The following APBB2 variants were observed in gnomAD, a reference collection of about 807,000 sequenced individuals.
The protein encoded by APBB2 is amyloid beta precursor protein binding family B member 2.
A neutral mutation model predicts 82.5 loss-of-function variants in APBB2; 38 were observed. That is an observed-to-expected ratio of 0.46 (90% CI 0.36 to 0.60). The LOEUF is 0.60. Among genes scored for constraint, APBB2 ranks in the 20% least tolerant of loss-of-function variants. The probability of loss-of-function intolerance (pLI) is 0.00; values close to 1 mark genes in which losing one functional copy is unlikely to be tolerated. For synonymous variants in APBB2, 341 were observed against 368.2 expected (o/e 0.93, Z 0.85); for missense variants, 772 against 972.3 (o/e 0.79, Z 2.74).
chr4:41,113,417 T>A (rs1749899533), intron 2 of APBB2, among the ~76,000 whole-genome samples: 1 of 152,140 alleles, frequency 6.6e-6, no homozygotes, highest in South Asian at 2.1e-4. Context: ...AATCACGTCA[T>A]CTGCAAACAG....
chr4:41,201,472 T>A (rs1196703440), intron 1 of APBB2, among the ~76,000 whole-genome samples: 1 of 152,254 alleles, frequency 6.6e-6, no homozygotes, highest in Non-Finnish European at 1.5e-5. Context: ...CTAAATATCT[T>A]GATTACTTGC....
At chr4:40,960,985 G>A (rs1175622483) in intron 6 of APBB2, among the ~76,000 whole-genome samples, 1 of 151,832 alleles carries the variant, frequency 6.6e-6, no homozygotes, top group African/African-American at 2.4e-5. Context: ...AAGCAGTCGG[G>A]CATACTTTTT....
Position 40,962,255 on chromosome 4 carries a change from T to C in APBB2, c.836-17182A>G, listed in dbSNP as rs548130289. On this transcript the variant is annotated intron_variant, in intron 6 of 17. Transcript: ENST00000508593. Reference sequence around the variant, plus strand: ...AAACTGCCATTTTTTTTAACGCTTCTCAAAAATAGAATCTAGCATAAGACA... The same window carrying C: ...AAACTGCCATTTTTTTTAACGCTTCCCAAAAATAGAATCTAGCATAAGACA... Among the ~76,000 whole-genome samples, 5 of 152,248 alleles carry C rather than the reference T, an allele frequency of 3.3e-5. No homozygotes were observed. The South Asian group carries it at 1.0e-3, about 32-fold the overall frequency.
chr4:41,096,505 T>C (rs1182910396), intron 3 of APBB2, among the ~76,000 whole-genome samples: 3 of 152,134 alleles, frequency 2.0e-5, no homozygotes, highest in East Asian at 1.9e-4. Flanking sequence ...AGAAAAAAAA[T>C]GATGACACTA....
intron 11 of APBB2, among the ~76,000 whole-genome samples, chr4:40,891,939 C>G (rs551890563): frequency 6.6e-6 from 1 of 150,864 alleles, no homozygotes; most frequent in South Asian, 2.1e-4. Context: ...AAACATAGGC[C>G]TGGGTTTTGT....
intron 6 of APBB2, among the ~76,000 whole-genome samples, chr4:41,013,055 T>C (rs1808841950): frequency 6.6e-6 from 1 of 152,214 alleles, no homozygotes; most frequent in South Asian, 2.1e-4. Flanking sequence ...TACTTAAGGC[T>C]AATAAAACAC....
chr4:40,954,190 T>C (rs564492177), intron 6 of APBB2, among the ~76,000 whole-genome samples: 5 of 152,176 alleles, frequency 3.3e-5, no homozygotes, highest in Non-Finnish European at 5.9e-5. Context: ...ATAGATTTGC[T>C]TCTAGCAGCA....
chr4:40,998,838 C>G (rs543671923), intron 6 of APBB2, among the ~76,000 whole-genome samples: 3 of 152,148 alleles, frequency 2.0e-5, no homozygotes. Flanking sequence ...CAGAGACAGA[C>G]GGCTACTAAG....
At chr4:40,887,544 A>C (rs1770669652) in intron 12 of APBB2, among the ~76,000 whole-genome samples, 1 of 151,904 alleles carries the variant, frequency 6.6e-6, no homozygotes, top group Admixed American at 6.6e-5. Flanking sequence ...ATTGCTGTTA[A>C]GGAAAAAAAA....
intron 6 of APBB2, among the ~76,000 whole-genome samples, chr4:40,964,336 A>G (rs750246440): frequency 1.3e-5 from 2 of 152,164 alleles, no homozygotes; most frequent in Non-Finnish European, 2.9e-5. Context: ...AAAACAGTCC[A>G]TAACTGATTC....
chr4:40,890,469 A>T lies in APBB2; in HGVS notation c.1424T>A (p.Leu475Gln), dbSNP rs1456036963. The change falls in exon 12 of 18, where the codon CTG (leucine) becomes CAG (glutamine). Residue 475 changes from leucine (L) to glutamine (Q), a missense_variant. Transcript: ENST00000508593. The part of the protein sequence containing the change: ...WGEGKDMYLI[L>Q]ENDMLSLVDP... Reference sequence around the variant, plus strand: ...CACCAGGCTGAGCATGTCATTCTCCAGGATCAGGTACATGTCTTTCCCCTG... The same window carrying T: ...CACCAGGCTGAGCATGTCATTCTCCTGGATCAGGTACATGTCTTTCCCCTG... 6.2e-7 allele frequency: 1 copy of T among 1,614,126 alleles called. No homozygotes were observed. The highest frequency in any genetic ancestry group is 1.1e-5 in the South Asian group (1 of 91,080).
intron 3 of APBB2, among the ~76,000 whole-genome samples, chr4:41,088,677 T>C (rs535648064): frequency 6.6e-6 from 1 of 152,360 alleles, no homozygotes; most frequent in East Asian, 1.9e-4. Context: ...TTGGATGGTC[T>C]AAACCAGAGA....
At chr4:40,955,355 G>C (rs1791333110) in intron 6 of APBB2, among the ~76,000 whole-genome samples, 2 of 152,226 alleles carry the variant, frequency 1.3e-5, no homozygotes, top group Admixed American at 6.5e-5. Context: ...ACTCGATTAG[G>C]GGTGAGAGGT....
At chr4:41,018,944 C>T (rs994480970) in intron 5 of APBB2, among the ~76,000 whole-genome samples, 1 of 152,186 alleles carries the variant, frequency 6.6e-6, no homozygotes, top group Non-Finnish European at 1.5e-5. Flanking sequence ...TCTTACTCTC[C>T]CACTACTACA....
At chr4:40,994,180 G>C (rs889439029) in intron 6 of APBB2, among the ~76,000 whole-genome samples, 4 of 151,958 alleles carry the variant, frequency 2.6e-5, no homozygotes, top group African/African-American at 9.7e-5. Flanking sequence ...CCAGCTACTC[G>C]GGAGGCTGAG....
intron 6 of APBB2, among the ~76,000 whole-genome samples, chr4:40,978,759 A>ATATTT (rs1797783735): frequency 6.6e-6 from 1 of 152,222 alleles, no homozygotes; most frequent in South Asian, 2.1e-4. Flanking sequence ...ATACTTACAA[A>ATATTT]TAAACAAGCA....
intron 2 of APBB2, among the ~76,000 whole-genome samples, chr4:41,133,168 T>C (rs1402832209): frequency 6.6e-6 from 1 of 152,252 alleles, no homozygotes; most frequent in African/African-American, 2.4e-5. Flanking sequence ...ATATATCTTA[T>C]AAATCTTTCC....
chr4:40,942,328 C>G (rs1330171412), intron 7 of APBB2, among the ~76,000 whole-genome samples: 1 of 152,112 alleles, frequency 6.6e-6, no homozygotes, highest in African/African-American at 2.4e-5. Flanking sequence ...AGGGATAAGC[C>G]TTTGTCAATA....
intron 10 of APBB2, among the ~76,000 whole-genome samples, chr4:40,899,427 A>G (rs752558003): frequency 2.0e-5 from 3 of 152,236 alleles, no homozygotes. Flanking sequence ...TCTGAGTTTT[A>G]TAATACAGCC....
Sources: allele counts gnomAD v4.1 joint callset (sites outside exome capture counted in the v4.1 genomes callset), GRCh38; gene constraint gnomAD v4.1.1; transcripts MANE v1.5; gene names NCBI Gene and HGNC (gene_info 2026-07-23, HGNC 2026-07-21).